MAPK10: variants seen among roughly 807,000 people sequenced by gnomAD.
MAPK10 encodes JNK3 alpha protein kinase.
A neutral mutation model predicts 59.3 loss-of-function variants in MAPK10; 25 were observed. That is an observed-to-expected ratio of 0.42 (90% confidence interval 0.31 to 0.59). The LOEUF is 0.59. Among genes scored for constraint, MAPK10 ranks in the 20% least tolerant of loss-of-function variants. MAPK10 has a pLI of 0.15. For missense variants in MAPK10, 351 were observed against 568.9 expected, an observed-to-expected ratio of 0.62 and a Z score of 3.90; for synonymous variants, 190 against 200.5, an observed-to-expected ratio of 0.95 and a Z score of 0.44.
At chr4:86,211,691 T>C (rs1361735895) in intron 2 of MAPK10, among the ~76,000 whole-genome samples, 1 of 152,146 alleles carries the variant, frequency 6.6e-6, no homozygotes, top group African/African-American at 2.4e-5. Flanking sequence ...CAATAATCAT[T>C]TGTAATTCTA....
intron 4 of MAPK10, chr4:86,117,973 C>T (rs976928860): frequency 2.6e-5 from 4 of 152,154 alleles, no homozygotes; most frequent in African/African-American, 9.7e-5. Context: ...GTGGGAGCTC[C>T]CTGGTGATTC....
At chr4:86,239,789 C>CAAA (rs796334122) in intron 2 of MAPK10, among the ~76,000 whole-genome samples, 1 of 130,270 alleles carries the variant, frequency 7.7e-6, no homozygotes, top group Admixed American at 7.8e-5. Flanking sequence ...TTAATTTTTT[C>CAAA]AAAAAAAAAA....
chr4:86,321,084 A>G (rs532568377), intron 2 of MAPK10, among the ~76,000 whole-genome samples: 151 of 152,186 alleles, frequency 9.9e-4, no homozygotes, highest in Non-Finnish European at 1.5e-3. Flanking sequence ...GTCAGGAAAC[A>G]ACAGGTGCTG....
chr4:86,112,100 C>G (rs1257993295), intron 4 of MAPK10, among the ~76,000 whole-genome samples: 1 of 150,634 alleles, frequency 6.6e-6, no homozygotes, highest in East Asian at 1.9e-4. Context: ...TGATTATTCT[C>G]TTTTCTTCAT....
At chr4:86,406,794 G>A (rs924399745) in intron 1 of MAPK10, among the ~76,000 whole-genome samples, 1 of 152,144 alleles carries the variant, frequency 6.6e-6, no homozygotes, top group Admixed American at 6.5e-5. Context: ...TACAGAAATG[G>A]TCCAGTGGCA....
intron 11 of MAPK10, among the ~76,000 whole-genome samples, chr4:86,062,939 G>A (rs2148984237): frequency 6.6e-6 from 1 of 152,118 alleles, no homozygotes; most frequent in South Asian, 2.1e-4. Context: ...TTTAATTGTA[G>A]GGATATTATT....
At chr4:86,107,474 G>T in intron 4 of MAPK10, 122 bp from the exon 5 acceptor site, 4 of 1,382,944 alleles carry the variant, frequency 2.9e-6, no homozygotes, top group South Asian at 3.8e-5. Context: ...TGTCTACTCT[G>T]GTCACATGCC....
At chr4:86,550,177 T>C (rs113730762) in intron 1 of MAPK10, among the ~76,000 whole-genome samples, 2 of 150,060 alleles carry the variant, frequency 1.3e-5, no homozygotes, top group African/African-American at 4.8e-5. Flanking sequence ...TGGAAGCACA[T>C]ACATATAGAA....
chr4:86,532,522 T>C (rs1337303116), intron 1 of MAPK10, among the ~76,000 whole-genome samples: 2 of 152,218 alleles, frequency 1.3e-5, no homozygotes, highest in African/African-American at 2.4e-5. Flanking sequence ...TTTCCAGCTA[T>C]CGGTCCTAAC....
chr4:86,422,688 C>A (rs981626515), intron 1 of MAPK10, among the ~76,000 whole-genome samples: 7 of 152,124 alleles, frequency 4.6e-5, no homozygotes, highest in African/African-American at 1.7e-4. Context: ...ATTTAACACA[C>A]TCTCCAAAGT....
At chr4:86,506,476 A>G (rs1755746305) in intron 1 of MAPK10, among the ~76,000 whole-genome samples, 1 of 152,162 alleles carries the variant, frequency 6.6e-6, no homozygotes, top group South Asian at 2.1e-4. Context: ...CACACTGCAT[A>G]AAAACAGACT....
chr4:86,164,907 C>A (rs1484047409), intron 3 of MAPK10, among the ~76,000 whole-genome samples: 2 of 152,102 alleles, frequency 1.3e-5, no homozygotes, highest in South Asian at 4.1e-4. Context: ...TACTAGTTTA[C>A]CTAGACAATC....
At chr4:86,089,360 A>G in intron 9 of MAPK10, 1 of 879,128 alleles carries the variant, frequency 1.1e-6, no homozygotes, top group South Asian at 1.5e-5. Flanking sequence ...TACTCATGCC[A>G]TAGAGCAATA....
intron 1 of MAPK10, among the ~76,000 whole-genome samples, chr4:86,436,547 A>G (rs1371816294): frequency 1.3e-5 from 2 of 152,072 alleles, no homozygotes; most frequent in Admixed American, 1.3e-4. Context: ...TTAAATTTTC[A>G]TATTCTAATA....
rs1228716328 is a variant in MAPK10 at position 86,010,521 on chromosome 4, T to C, written c.*6707A>G. On this transcript the variant is annotated 3_prime_UTR_variant, in exon 14 of 14. Coordinates refer to ENST00000641462, the MANE Select transcript of MAPK10 (RefSeq NM_138982.4). ...TTTGGAGTAAATTAATGAACTGCTT[T>C]AGAATGTTGCTCAGAAATTAAGCTA... The C allele has an allele frequency of 1.3e-5, 2 of 152,214 alleles. No individual in the cohort carries two copies. Among genetic ancestry groups the C allele is most frequent in the Non-Finnish European group, 2.9e-5 (2 of 68,030 alleles). 9.4% of individuals were successfully genotyped at this position (152,214 alleles called of 1,614,324 possible).
intron 1 of MAPK10, among the ~76,000 whole-genome samples, chr4:86,481,631 G>T (rs1030160050): frequency 6.6e-6 from 1 of 152,122 alleles, no homozygotes. Flanking sequence ...CCCCAGTAGT[G>T]AGTTAAGTGC....
At chr4:86,289,105 G>A (rs1398164772) in intron 2 of MAPK10, among the ~76,000 whole-genome samples, 6 of 152,164 alleles carry the variant, frequency 3.9e-5, no homozygotes, top group Non-Finnish European at 7.3e-5. Context: ...TATGGCCTCT[G>A]CTTTATGTGA....
chr4:86,367,095 G>A (rs970231982), intron 1 of MAPK10, among the ~76,000 whole-genome samples: 1 of 152,158 alleles, frequency 6.6e-6, no homozygotes, highest in African/African-American at 2.4e-5. Context: ...TTCCTTAAAA[G>A]AGTGATGTCA....
At chr4:86,174,467 G>T (rs559451912) in intron 3 of MAPK10, among the ~76,000 whole-genome samples, 1 of 152,222 alleles carries the variant, frequency 6.6e-6, no homozygotes, top group African/African-American at 2.4e-5. Context: ...GGACCTGTCA[G>T]GGGGGTGGTG....
Sources: allele counts gnomAD v4.1 joint callset (sites outside exome capture counted in the v4.1 genomes callset), GRCh38; gene constraint gnomAD v4.1.1; transcripts MANE v1.5; gene names NCBI Gene and HGNC (gene_info 2026-07-23, HGNC 2026-07-21).